Variants in ACP3 observed in about 807,000 individuals in gnomAD.
The protein encoded by ACP3 is acid phosphatase 3.
A neutral mutation model predicts 45.6 loss-of-function variants in ACP3; 38 were observed. The ratio of observed to expected loss-of-function variants is 0.83; its 90% CI spans 0.64 to 1.09. The LOEUF is 1.09. Among genes scored for constraint, ACP3 ranks in the 50% least tolerant of loss-of-function variants. The pLI is 0.00. For synonymous variants in ACP3, 162 were observed against 164.7 expected (o/e 0.98, Z 0.13); for missense variants, 466 against 463.2 (o/e 1.01, Z -0.05).
At chr3:132,337,642 T>C in intron 5 of ACP3, 88 bp downstream of exon 5, 1 of 827,338 alleles carries the variant, frequency 1.2e-6, no homozygotes, top group Non-Finnish European at 1.9e-6. Flanking sequence ...AAGCTTTGGC[T>C]TCTTAAAAAG....
chr3:132,325,331 C>T (rs1937278622), intron 1 of ACP3, among the ~76,000 whole-genome samples: 1 of 152,154 alleles, frequency 6.6e-6, no homozygotes, highest in Admixed American at 6.5e-5. Flanking sequence ...ACCTTGGAAA[C>T]ACTTAAAACC....
intron 1 of ACP3, 60 bp downstream of exon 1, chr3:132,317,636 A>T: frequency 6.4e-7 from 1 of 1,553,032 alleles, no homozygotes; most frequent in African/African-American, 1.4e-5. Flanking sequence ...AAGTCTGATA[A>T]GGCAAGCGTC....
chr3:132,352,975 T>C, intron 9 of ACP3, 152 bp downstream of exon 9: 1 of 602,678 alleles, frequency 1.7e-6, no homozygotes, highest in Admixed American at 3.1e-5. Context: ...GCTAGTCATG[T>C]CTCTTTTTTC....
intron 5 of ACP3, among the ~76,000 whole-genome samples, chr3:132,341,121 A>C (rs1334749263): frequency 2.0e-5 from 3 of 152,096 alleles, no homozygotes; most frequent in African/African-American, 7.2e-5. Flanking sequence ...AAAAATGTGT[A>C]TCTCTGATTT....
chr3:132,345,682 T>G (rs751597183), intron 7 of ACP3, among the ~76,000 whole-genome samples: 6 of 152,354 alleles, frequency 3.9e-5, no homozygotes, highest in Non-Finnish European at 8.8e-5. Context: ...GAGATTTATT[T>G]ATCAGTGATG....
intron 10 of ACP3, among the ~76,000 whole-genome samples, chr3:132,365,420 G>C (rs1002867734): frequency 2.6e-5 from 4 of 152,142 alleles, no homozygotes; most frequent in African/African-American, 9.7e-5. Flanking sequence ...CATGATAACA[G>C]GTATAGCAAA....
At chr3:132,331,548 T>C (rs981096170) in intron 2 of ACP3, 99 bp from the exon 3 acceptor site, 8 of 857,242 alleles carry the variant, frequency 9.3e-6, no homozygotes, top group Non-Finnish European at 1.4e-5. Flanking sequence ...CATTGTTCAT[T>C]CTACACACAT....
intron 1 of ACP3, among the ~76,000 whole-genome samples, chr3:132,326,076 A>T (rs1482767372): frequency 1.3e-5 from 2 of 152,108 alleles, no homozygotes; most frequent in African/African-American, 2.4e-5. Context: ...GTGGCTCTCA[A>T]CTTGGGGTGA....
intron 4 of ACP3, among the ~76,000 whole-genome samples, chr3:132,336,682 G>A (rs1937496824): frequency 1.3e-5 from 2 of 152,064 alleles, no homozygotes; most frequent in African/African-American, 4.8e-5. Flanking sequence ...TGCCTTCAGG[G>A]ACAGCAAGAA....
chr3:132,322,763 T>A (rs1199099920), intron 1 of ACP3, among the ~76,000 whole-genome samples: 1 of 152,222 alleles, frequency 6.6e-6, no homozygotes, highest in Non-Finnish European at 1.5e-5. Context: ...AAACTCATGT[T>A]GAAACTTAAT....
downstream of ACP3, among the ~76,000 whole-genome samples, chr3:132,360,042 T>C (rs990480843): frequency 2.6e-5 from 4 of 152,206 alleles, no homozygotes; most frequent in Non-Finnish European, 5.9e-5. Flanking sequence ...TTATTCAGTA[T>C]GATCTTAAAG....
chr3:132,331,622 T>G, intron 2 of ACP3, 25 bp from the exon 3 acceptor site: 1 of 1,552,344 alleles, frequency 6.4e-7, no homozygotes. Flanking sequence ...TTTCATTAAT[T>G]TTTGCTTTTA....
chr3:132,338,541 A>G (rs138207424), intron 5 of ACP3, among the ~76,000 whole-genome samples: 13 of 152,344 alleles, frequency 8.5e-5, no homozygotes, highest in African/African-American at 2.9e-4. Context: ...CTAGAAGTAG[A>G]CATTCTGGGT....
At chr3:132,337,612 G>C in intron 5 of ACP3, 58 bp downstream of exon 5, 1 of 1,115,644 alleles carries the variant, frequency 9.0e-7, no homozygotes, top group East Asian at 2.4e-5. Flanking sequence ...ACTTGAGTGT[G>C]AGGGCCAAGA....
chr3:132,324,637 T>A (rs903921548), intron 1 of ACP3, among the ~76,000 whole-genome samples: 4 of 152,134 alleles, frequency 2.6e-5, no homozygotes, highest in African/African-American at 7.2e-5. Flanking sequence ...ATTATTATTT[T>A]TTTTTATTTT....
chr3:132,327,254 G>C (rs1937313783), intron 1 of ACP3, among the ~76,000 whole-genome samples: 1 of 152,184 alleles, frequency 6.6e-6, no homozygotes, highest in African/African-American at 2.4e-5. Context: ...GGTGGCTCAT[G>C]CCTGTAATCC....
chr3:132,346,857 T>C, intron 7 of ACP3, among the ~76,000 whole-genome samples: 1 of 152,214 alleles, frequency 6.6e-6, no homozygotes, highest in East Asian at 1.9e-4. Context: ...ACCACCTGGC[T>C]AGAAACACAG....
At position 132,342,644 on chromosome 3, in the gene ACP3, G is replaced by C; in HGVS notation, c.648G>C (p.Glu216Asp). ...WSKVYDPLYC[E>D]SVHNFTLPSW... The stretch of plus-strand genomic sequence containing the variant: ...AAGTCTACGACCCTTTATATTGTGA[G>C]GTAAAAGAAAAAAAAATCACAGGTT... Residue 216 changes from glutamate to aspartate, a missense_variant and splice_region_variant, in exon 6 of 10, where the codon GAG becomes GAC. Transcript: ENST00000336375. The C allele has an allele frequency of 6.4e-7, 1 of 1,559,228 alleles. No homozygotes were observed. The highest frequency in any genetic ancestry group is 1.4e-5 in the African/African-American group (1 of 72,038).
chr3:132,363,107 A>G (rs1440810831), downstream of ACP3, among the ~76,000 whole-genome samples: 2 of 152,064 alleles, frequency 1.3e-5, no homozygotes, highest in Admixed American at 1.3e-4. Flanking sequence ...TAAATAAATA[A>G]ATAAATATCA....
Sources: allele counts gnomAD v4.1 joint callset (sites outside exome capture counted in the v4.1 genomes callset), GRCh38; gene constraint gnomAD v4.1.1; transcripts MANE v1.5; gene names NCBI Gene and HGNC (gene_info 2026-07-23, HGNC 2026-07-21).